ATP1B4: variants seen among roughly 807,000 people sequenced by gnomAD.
ATP1B4 encodes the protein protein ATP1B4.
ATP1B4 carries 32 observed loss-of-function variants against 29.6 expected under a neutral mutation model. The observed-to-expected ratio is 1.08, with a 90% CI of 0.82 to 1.45. ATP1B4 has a LOEUF of 1.45. ATP1B4 is among the 40% of genes most tolerant of loss of function. The pLI, the probability that ATP1B4 is intolerant of heterozygous loss-of-function variation, is 0.00. For synonymous variants in ATP1B4, 127 were observed against 102.1 expected (o/e 1.24, Z -1.47); for missense variants, 323 against 276.2 (o/e 1.17, Z -1.20).
Position 120,370,751 on chromosome X carries a change from C to T in ATP1B4, c.365C>T (p.Ser122Phe), listed in dbSNP as rs372328601. The change falls in exon 3 of 8, where the codon TCC (serine) becomes TTC (phenylalanine). Residue 122 changes from serine (S) to phenylalanine (F), a missense_variant. Ser to Phe is a radical substitution (Grantham distance 155). Transcript: ENST00000218008. Reference sequence around the variant, plus strand: ...CTCATTTACTTCTTCTTCTATGCCTCCTTGGCTGCTGTGATCACCCTCTGC... The same window carrying T: ...CTCATTTACTTCTTCTTCTATGCCTTCTTGGCTGCTGTGATCACCCTCTGC... Reference protein sequence around the residue: ...ILLIYFFFYASLAAVITLCMY... With the variant: ...ILLIYFFFYAFLAAVITLCMY... 35 of 1,209,860 alleles carry T rather than the reference C, an allele frequency of 2.9e-5. No individual in the cohort carries two copies. The African/African-American group carries it at 5.2e-4, about 18-fold the overall frequency.
rs1023208520 is a variant in ATP1B4 at position 120,383,035 on chromosome X, A to T, written c.*3401A>T. On this transcript the variant is annotated 3_prime_UTR_variant, in exon 8 of 8. Coordinates refer to ENST00000218008, the MANE Select transcript of ATP1B4 (RefSeq NM_001142447.3). ...ATGCACTTGGTTTTACTTGCTTGTC[A>T]ATGAGAAATACTACTTCCAAATGTC... 1 of 112,019 alleles carries T rather than the reference A, an allele frequency of 8.9e-6. No homozygotes were observed. The highest frequency in any genetic ancestry group is 1.9e-5 in the Non-Finnish European group (1 of 53,151). The allele number at this position is 112,019 out of a possible 1,213,427, so 9.2% of individuals were successfully genotyped here. A position where few individuals can be genotyped will look rare whatever the true frequency, so the allele number is the denominator to read the frequency against.
chrX:120,370,775 G>A lies in ATP1B4; in HGVS notation c.389G>A (p.Cys130Tyr), dbSNP rs748911738. Residue 130 changes from cysteine (C) to tyrosine (Y), a missense_variant, in exon 3 of 8, where the codon TGC (cysteine) becomes TAC (tyrosine). Coordinates refer to ENST00000218008, the MANE Select transcript of ATP1B4 (RefSeq NM_001142447.3). Reference sequence around the variant, plus strand: ...TCCTTGGCTGCTGTGATCACCCTCTGCATGTACACACTATTTCTGACCATC... The same window carrying A: ...TCCTTGGCTGCTGTGATCACCCTCTACATGTACACACTATTTCTGACCATC... ...YASLAAVITL[C>Y]MYTLFLTISP... is the part of the protein sequence containing the mutation. The A allele has an allele frequency of 3.3e-6, 4 of 1,209,284 alleles. No individual in the cohort carries two copies. In the East Asian group the frequency reaches 1.2e-4, roughly 36 times the overall value.
intron 4 of ATP1B4, among the ~76,000 whole-genome samples, chrX:120,373,322 T>C (rs937355653): frequency 1.8e-5 from 2 of 112,647 alleles, no homozygotes; most frequent in Non-Finnish European, 3.7e-5. Flanking sequence ...TTGAATTAAA[T>C]GTAGCTTTGT....
At position 120,362,110 on chromosome X, in the gene ATP1B4, A is replaced by G. The variant is rs746272448; in HGVS notation, c.-59A>G. The G allele has an allele frequency of 9.4e-7, 1 of 1,061,771 alleles. No individual in the cohort carries two copies. Among genetic ancestry groups the G allele is most frequent in the Admixed American group, 2.2e-5 (1 of 45,460 alleles). 87.5% of individuals were successfully genotyped at this position (1,061,771 alleles called of 1,213,427 possible). A position where few individuals can be genotyped will look rare whatever the true frequency, so the allele number is the denominator to read the frequency against. On this transcript the variant is annotated 5_prime_UTR_variant, in exon 1 of 8. Transcript: ENST00000218008. ...AACCAGTGTCTCCTGTACCAGCAGA[A>G]GCTCCAGAACTCTCACCCGATTGCC...
Position 120,370,851 on chromosome X carries a change from T to C in ATP1B4, c.457+8T>C. 1 of 1,206,199 alleles carries C rather than the reference T, an allele frequency of 8.3e-7. No individual in the cohort carries two copies. Among genetic ancestry groups the C allele is most frequent in the Non-Finnish European group, 1.1e-6 (1 of 893,323 alleles). ...AGCGGGTAAAGCCTCCTGGTGAGTG[T>C]GCCCAGATGCCCTGTGTTGTCAGAA... On this transcript the variant is annotated splice_region_variant and intron_variant, in intron 3 of 7. Transcript: ENST00000218008.
chrX:120,374,608 T>A (rs1402388159), intron 4 of ATP1B4, among the ~76,000 whole-genome samples: 1 of 18,476 alleles, frequency 5.4e-5, no homozygotes, highest in African/African-American at 1.6e-4. Context: ...TTATATATAA[T>A]ATATATATAC....
At chrX:120,369,504 G>C (rs1398018711) in intron 2 of ATP1B4, among the ~76,000 whole-genome samples, 1 of 112,068 alleles carries the variant, frequency 8.9e-6, no homozygotes, top group African/African-American at 3.3e-5. Flanking sequence ...TAAGTGGTTT[G>C]TTCCAGTTTC....
chrX:120,370,666 A>G, intron 2 of ATP1B4, 49 bp from the exon 3 acceptor site: 2 of 1,196,119 alleles, frequency 1.7e-6, no homozygotes, highest in Non-Finnish European at 2.3e-6. Flanking sequence ...GCAGGGAGGA[A>G]GAGCTTGTTG....
chrX:120,366,251 C>G (rs902827477), intron 1 of ATP1B4, among the ~76,000 whole-genome samples: 2 of 111,579 alleles, frequency 1.8e-5, no homozygotes, highest in African/African-American at 6.5e-5. Flanking sequence ...TATGAGCAGT[C>G]CTTGGAGAAG....
At chrX:120,364,675 T>G (rs934963078) in intron 1 of ATP1B4, among the ~76,000 whole-genome samples, 1 of 112,638 alleles carries the variant, frequency 8.9e-6, no homozygotes, top group African/African-American at 3.2e-5. Context: ...ACTGTGAGCC[T>G]ATGTCAGTCA....
At chrX:120,374,762 T>TATATAA (rs756799984) in intron 4 of ATP1B4, among the ~76,000 whole-genome samples, 2 of 23,603 alleles carry the variant, frequency 8.5e-5, no homozygotes, top group Non-Finnish European at 1.6e-4. Context: ...TATATATATA[T>TATATAA]TATATATATA....
rs1311263990 is a variant in ATP1B4, at chrX:120,366,807, C to T, written c.328+18C>T. ...GAGTTGGAGTAAGTCCCAATAGTCC[C>T]AATGCCAAAGTCTGGTGTCCTTTGC... is the stretch of plus-strand genomic sequence containing the variant. On this transcript the variant is annotated intron_variant, in intron 2 of 7. Coordinates refer to ENST00000218008, the MANE Select transcript of ATP1B4 (RefSeq NM_001142447.3). 19 of 1,197,510 alleles carry T rather than the reference C, an allele frequency of 1.6e-5. No individual in the cohort carries two copies. The African/African-American group carries it at 3.3e-4, about 21-fold the overall frequency.
intron 4 of ATP1B4, among the ~76,000 whole-genome samples, chrX:120,373,525 C>T (rs968985295): frequency 8.0e-5 from 9 of 112,010 alleles, no homozygotes; most frequent in African/African-American, 2.9e-4. Flanking sequence ...CTACTTTGAA[C>T]ATTAATACAT....
At chrX:120,375,734 C>T (rs773891063) in intron 5 of ATP1B4, among the ~76,000 whole-genome samples, 166 bp downstream of exon 5, 2 of 109,519 alleles carry the variant, frequency 1.8e-5, no homozygotes, top group Non-Finnish European at 3.8e-5. Context: ...ATTTCTTCCC[C>T]CCCGCCCACC....
chrX:120,369,535 A>G (rs556126325), intron 2 of ATP1B4, among the ~76,000 whole-genome samples: 2 of 112,086 alleles, frequency 1.8e-5, no homozygotes, highest in Non-Finnish European at 3.8e-5. Context: ...TTCAGTTCAA[A>G]TCTGTAGGTC....
intron 4 of ATP1B4, among the ~76,000 whole-genome samples, chrX:120,374,567 A>G (rs1308314852): frequency 3.0e-5 from 2 of 66,870 alleles, no homozygotes; most frequent in African/African-American, 5.7e-5. Flanking sequence ...TATAATATAT[A>G]TATACCCTTA....
chrX:120,375,389 C>G lies in ATP1B4; in HGVS notation c.580C>G (p.Gln194Glu), dbSNP rs1337710403. ...GFLQGYNDSL[Q>E]EEMNVDCPPG... ...TGCTTTAGGTTATAATGACAGTCTT[C>G]AAGAGGAAATGAATGTAGATTGTCC... is the stretch of plus-strand genomic sequence containing the variant. The change falls in exon 5 of 8, where the codon CAA (glutamine) becomes GAA (glutamate). Residue 194 changes from glutamine to glutamate, a missense_variant. Coordinates refer to ENST00000218008, the MANE Select transcript of ATP1B4 (RefSeq NM_001142447.3). 3 of 1,206,893 alleles carry G rather than the reference C, an allele frequency of 2.5e-6. No homozygotes were observed. The highest frequency in any genetic ancestry group is 2.2e-5 in the Admixed American group (1 of 45,439).
rs952260745 is a variant in ATP1B4 at position 120,370,983 on chromosome X, T to C, written c.458-123T>C. 11 of 1,026,102 alleles carry C rather than the reference T, an allele frequency of 1.1e-5. No individual in the cohort carries two copies. The African/African-American group carries it at 1.1e-4, about 11-fold the overall frequency. The allele number at this position is 1,026,102 out of a possible 1,213,427, so 84.6% of individuals were successfully genotyped here. A position where few individuals can be genotyped will look rare whatever the true frequency, so the allele number is the denominator to read the frequency against. ...ATTATTAGGAGGAAAAGTAAAATGG[T>C]ACTTGGCAAATTATGGTTCTTTTCA... On this transcript the variant is annotated intron_variant, in intron 3 of 7. Transcript: ENST00000218008.
At chrX:120,365,763 C>A (rs1275306908) in intron 1 of ATP1B4, among the ~76,000 whole-genome samples, 1 of 112,340 alleles carries the variant, frequency 8.9e-6, no homozygotes, top group African/African-American at 3.2e-5. Flanking sequence ...AGTTTCAAAT[C>A]TCAAGTAATG....
Sources: allele counts gnomAD v4.1 joint callset (sites outside exome capture counted in the v4.1 genomes callset), GRCh38; gene constraint gnomAD v4.1.1; transcripts MANE v1.5; gene names NCBI Gene and HGNC (gene_info 2026-07-23, HGNC 2026-07-21).